DNTT: variants seen among roughly 807,000 people sequenced by gnomAD.
DNTT encodes DNA nucleotidylexotransferase, also known as nucleosidetriphosphate:DNA deoxynucleotidylexotransferase.
In DNTT, 47 loss-of-function variants were observed where a neutral mutation model predicts 60.9. The ratio of observed to expected loss-of-function variants is 0.77; its 90% CI spans 0.61 to 0.98. The LOEUF is 0.98. DNTT is among the 50% of genes least tolerant of loss of function. The pLI, the probability that DNTT is intolerant of heterozygous loss-of-function variation, is 0.00. For missense variants in DNTT, 665 were observed against 627.5 expected, an observed-to-expected ratio of 1.06 and a Z score of -0.64; for synonymous variants, 224 against 221.2, an observed-to-expected ratio of 1.01 and a Z score of -0.11.
At chr10:96,338,092 C>A in intron 10 of DNTT, 46 bp from the exon 11 acceptor site, 1 of 1,553,108 alleles carries the variant, frequency 6.4e-7, no homozygotes, top group Non-Finnish European at 8.8e-7. Context: ...CACCATGGTG[C>A]TTATGAAAAA....
intron 1 of DNTT, among the ~76,000 whole-genome samples, chr10:96,314,654 T>C (rs1308638940): frequency 6.6e-6 from 1 of 151,558 alleles, no homozygotes; most frequent in Non-Finnish European, 1.5e-5. Flanking sequence ...CCTCATGATC[T>C]GCCCCCCTCA....
intron 3 of DNTT, 26 bp from the exon 4 acceptor site, chr10:96,320,589 TCTC>T: frequency 1.2e-6 from 2 of 1,610,108 alleles, no homozygotes; most frequent in Non-Finnish European, 1.7e-6. Context: ...TGGAAGCAAA[TCTC>T]CTGCTTATCT....
chr10:96,327,969 C>T (rs1178076942), intron 7 of DNTT, among the ~76,000 whole-genome samples: 1 of 152,168 alleles, frequency 6.6e-6, no homozygotes, highest in Non-Finnish European at 1.5e-5. Flanking sequence ...TCCATGCTCC[C>T]TGAGTACCTG....
At chr10:96,309,490 G>A (rs74548046) in intron 1 of DNTT, among the ~76,000 whole-genome samples, 4 of 150,996 alleles carry the variant, frequency 2.6e-5, no homozygotes, top group African/African-American at 9.7e-5. Context: ...GTTAGCATTT[G>A]CCTGCTCATT....
intron 9 of DNTT, among the ~76,000 whole-genome samples, 155 bp downstream of exon 9, chr10:96,332,751 A>T (rs1251143698): frequency 6.6e-6 from 1 of 152,216 alleles, no homozygotes; most frequent in Non-Finnish European, 1.5e-5. Flanking sequence ...TCCTGTCCAC[A>T]CATGGCCAAG....
intron 9 of DNTT, 50 bp downstream of exon 9, chr10:96,332,646 A>C (rs754698945): frequency 6.3e-7 from 1 of 1,594,048 alleles, no homozygotes; most frequent in Non-Finnish European, 8.6e-7. Context: ...TGAAAGACGT[A>C]GGCCGAGTCT....
At chr10:96,309,063 G>A (rs946575424) in intron 1 of DNTT, among the ~76,000 whole-genome samples, 2 of 152,178 alleles carry the variant, frequency 1.3e-5, no homozygotes, top group Non-Finnish European at 2.9e-5. Flanking sequence ...AATCATTGAT[G>A]CTGAGGAAGA....
rs80156270 is a variant in DNTT, at chr10:96,320,917, A to G, written c.678+129A>G. ...GTACATCACAAATTTTCCTTTATACATATTCCTCTCTCTCTCCTCTGTCTC... is the reference window on the plus strand; with the variant it reads ...GTACATCACAAATTTTCCTTTATACGTATTCCTCTCTCTCTCCTCTGTCTC... On this transcript the variant is annotated intron_variant, in intron 4 of 10. Transcript: ENST00000371174. 1,599 of 1,091,664 alleles carry G rather than the reference A, an allele frequency of 1.5e-3. 23 individuals carry two copies. The African/African-American group carries it at 0.023, about 16-fold the overall frequency. The allele number at this position is 1,091,664 out of a possible 1,614,324, so 67.6% of individuals were successfully genotyped here. A position where few individuals can be genotyped will look rare whatever the true frequency, so the allele number is the denominator to read the frequency against.
chr10:96,331,365 G>A (rs577805549), intron 8 of DNTT, among the ~76,000 whole-genome samples: 2 of 152,276 alleles, frequency 1.3e-5, no homozygotes, highest in Admixed American at 6.5e-5. Flanking sequence ...AAGAAAAGAC[G>A]TTTACTTGGC....
chr10:96,324,414 T>C (rs769087169), intron 6 of DNTT, 25 bp downstream of exon 6: 2 of 1,612,966 alleles, frequency 1.2e-6, no homozygotes, highest in African/African-American at 2.7e-5. Flanking sequence ...CTAAAAGTCA[T>C]TGTTGCTATG....
intron 3 of DNTT, among the ~76,000 whole-genome samples, chr10:96,320,202 T>C (rs7074775): frequency 0.12 from 18,812 of 152,194 alleles, 2,165 homozygotes; most frequent in East Asian, 0.54. Context: ...ACGACTACAC[T>C]CATTCATTCA....
At position 96,319,309 on chromosome 10, in the gene DNTT, T is replaced by A. The variant is rs2133988009; in HGVS notation, c.426T>A (p.Thr142=). 1 of 1,613,862 alleles carries A rather than the reference T, an allele frequency of 6.2e-7. No individual in the cohort carries two copies. Among genetic ancestry groups the A allele is most frequent in the South Asian group, 1.1e-5 (1 of 91,046 alleles). ...SDSTNPGPPK[T]PPIAVQKISQ... ...GCACCAACCCAGGCCCCCCGAAGAC[T>A]CCACCAATTGCTGTACAAAAGATCT... Residue 142 remains threonine (T), a synonymous_variant, in exon 3 of 11, where the codon ACT becomes ACA. Transcript: ENST00000371174.
At chr10:96,332,248 C>A in intron 8 of DNTT, 103 bp from the exon 9 acceptor site, 1 of 1,515,152 alleles carries the variant, frequency 6.6e-7, no homozygotes, top group Non-Finnish European at 8.9e-7. Flanking sequence ...AACACATGTC[C>A]ATGTTCTGCT....
At chr10:96,336,940 GAA>G (rs71034371) in intron 10 of DNTT, among the ~76,000 whole-genome samples, 4 of 129,948 alleles carry the variant, frequency 3.1e-5, no homozygotes, top group African/African-American at 8.4e-5. Flanking sequence ...TCTGTGTCAG[GAA>G]AAAAAAAAAA....
intron 9 of DNTT, among the ~76,000 whole-genome samples, chr10:96,335,123 A>G (rs977420576): frequency 2.6e-5 from 4 of 152,102 alleles, no homozygotes; most frequent in African/African-American, 9.7e-5. Context: ...CTTGCTCCCT[A>G]CTCCCACATG....
In DNTT at chr10:96,318,470, A is replaced by G. The variant is rs770276465; in HGVS notation, c.322A>G (p.Ile108Val). 6.2e-7 allele frequency: 1 copy of G among 1,613,900 alleles called. No individual in the cohort carries two copies. Among genetic ancestry groups the G allele is most frequent in the South Asian group, 1.1e-5 (1 of 91,042 alleles). Residue 108 changes from isoleucine to valine, a missense_variant, in exon 2 of 11, where the codon ATC becomes GTC. Ile to Val is a conservative substitution (Grantham distance 29). Transcript: ENST00000371174. ...QPELLDVSWL[I>V]ECIRAGKPVE... ...AGAGCTCCTCGATGTCTCCTGGCTG[A>G]TCGAATGCATAAGAGCAGGGAAACC...
intron 1 of DNTT, among the ~76,000 whole-genome samples, chr10:96,310,739 T>C (rs1844705860): frequency 1.3e-5 from 2 of 152,172 alleles, no homozygotes; most frequent in Admixed American, 1.3e-4. Flanking sequence ...TTCTTTCACA[T>C]AGGAGGCCTC....
chr10:96,311,977 C>A (rs758380193), intron 1 of DNTT, among the ~76,000 whole-genome samples: 1 of 152,196 alleles, frequency 6.6e-6, no homozygotes, highest in Non-Finnish European at 1.5e-5. Context: ...TAAACTGACT[C>A]ATTTAAAATA....
At chr10:96,324,499 T>C in intron 6 of DNTT, 110 bp downstream of exon 6, 2 of 1,434,052 alleles carry the variant, frequency 1.4e-6, no homozygotes, top group Admixed American at 3.9e-5. Context: ...GACACTTCTT[T>C]GATGTCCATT....
Sources: allele counts gnomAD v4.1 joint callset (sites outside exome capture counted in the v4.1 genomes callset), GRCh38; gene constraint gnomAD v4.1.1; transcripts MANE v1.5; gene names NCBI Gene and HGNC (gene_info 2026-07-23, HGNC 2026-07-21).